Variants in CAMSAP1 observed in about 807,000 individuals in gnomAD.
CAMSAP1 encodes the protein calmodulin regulated spectrin associated protein 1.
CAMSAP1 carries 58 observed loss-of-function variants against 143.5 expected under a neutral mutation model. The ratio of observed to expected loss-of-function variants is 0.40; its 90% confidence interval spans 0.33 to 0.50. CAMSAP1 has a LOEUF of 0.50. Among genes scored for constraint, CAMSAP1 ranks in the 20% least tolerant of loss-of-function variants. CAMSAP1 has a pLI of 0.45. For missense variants in CAMSAP1, 1,969 were observed against 2,115.7 expected (o/e 0.93, Z 1.36); for synonymous variants, 945 against 859.3 (o/e 1.10, Z -1.74).
At chr9:135,868,321 A>C (rs1035125066) in intron 3 of CAMSAP1, among the ~76,000 whole-genome samples, 3 of 152,198 alleles carry the variant, frequency 2.0e-5, no homozygotes, top group African/African-American at 7.2e-5. Flanking sequence ...TGTGGTCCAA[A>C]TGACATCAGT....
At chr9:135,872,064 C>T (rs1471792911) in intron 3 of CAMSAP1, among the ~76,000 whole-genome samples, 1 of 151,822 alleles carries the variant, frequency 6.6e-6, no homozygotes, top group Admixed American at 6.6e-5. Flanking sequence ...CACGCCATTG[C>T]ACTCCAACCT....
rs1835687504 is a variant in CAMSAP1, at chr9:135,826,727, C to CT, written c.1223+679dup. 6.6e-6 allele frequency among the ~76,000 whole-genome samples: 1 copy of CT among 152,344 alleles called. No homozygotes were observed. The highest frequency in any genetic ancestry group is 1.9e-4 in the East Asian group (1 of 5,190). The stretch of plus-strand genomic sequence containing the variant: ...TGTTTCTCCACTTTCGGTGTGCTAA[C>CT]TGGCTCCAGGCTGGCATCAGCTGTG... On this transcript the variant is annotated intron_variant, in intron 8 of 16. Coordinates refer to ENST00000389532, the MANE Select transcript of CAMSAP1 (RefSeq NM_015447.4). This position sits in a 1 kb window ranked among gnomAD's most constrained non-coding sequence, Gnocchi z 4.4.
chr9:135,907,431 G>C lies in CAMSAP1; in HGVS notation c.-272C>G, dbSNP rs1220971343. On this transcript the variant is annotated 5_prime_UTR_variant, in exon 1 of 17. Transcript: ENST00000389532. ...CAGGAGGGCGCGGGCCGGGGGCGGGGGCGGGCGCGGGGGCGGGAGCGGGCC... is the reference window on the plus strand; with the variant it reads ...CAGGAGGGCGCGGGCCGGGGGCGGGCGCGGGCGCGGGGGCGGGAGCGGGCC... 6.8e-6 allele frequency among the ~76,000 whole-genome samples: 1 copy of C among 146,132 alleles called. No homozygotes were observed. Among genetic ancestry groups the C allele is most frequent in the Admixed American group, 6.8e-5 (1 of 14,714 alleles).
intron 4 of CAMSAP1, among the ~76,000 whole-genome samples, chr9:135,862,881 T>G (rs1588483703): frequency 1.3e-5 from 2 of 152,050 alleles, no homozygotes; most frequent in South Asian, 4.1e-4. Context: ...TAAACTGACC[T>G]GGAAGCAGAG....
At chr9:135,894,481 C>T (rs538901063) in intron 1 of CAMSAP1, among the ~76,000 whole-genome samples, 1 of 152,300 alleles carries the variant, frequency 6.6e-6, no homozygotes, top group South Asian at 2.1e-4. Flanking sequence ...TGGTCCTGTG[C>T]GCAGAGACTC....
rs780895948 is a variant in CAMSAP1, at chr9:135,818,647, G to A, written c.3960-31C>T. On this transcript the variant is annotated intron_variant, in intron 12 of 16. Coordinates refer to ENST00000389532, the MANE Select transcript of CAMSAP1 (RefSeq NM_015447.4). The surrounding 1 kb of genome is among the most constrained non-coding windows in gnomAD (Gnocchi z 7.7). ...AGAAACACACGCCCAGACACTGCTC[G>A]GTCACGGGGCTTCTTCCACGACGCC... 16 of 1,602,758 alleles carry A rather than the reference G, an allele frequency of 1.0e-5. No homozygotes were observed. The highest frequency in any genetic ancestry group is 1.4e-5 in the Non-Finnish European group (16 of 1,173,246).
chr9:135,822,260 G>C lies in CAMSAP1; in HGVS notation c.2401C>G (p.Gln801Glu), dbSNP rs749774202. The change falls in exon 11 of 17, where the codon CAG becomes GAG. Residue 801 changes from glutamine to glutamate, a missense_variant. Transcript: ENST00000389532. This position sits in a 1 kb window ranked among gnomAD's most constrained non-coding sequence, Gnocchi z 6.1. The part of the protein sequence containing the change: ...RSSPCLSTAS[Q>E]MSSVSMASGS... ...CTCGCCATGGAGACACTGCTCATCT[G>C]AGAGGCTGTGCTCAGGCAGGGGCTC... is the stretch of plus-strand genomic sequence containing the variant. 3 of 1,613,998 alleles carry C rather than the reference G, an allele frequency of 1.9e-6. No individual in the cohort carries two copies. Among genetic ancestry groups the C allele is most frequent in the Admixed American group, 3.3e-5 (2 of 60,030 alleles).
chr9:135,869,650 G>A (rs1837503822), intron 3 of CAMSAP1, among the ~76,000 whole-genome samples: 1 of 152,120 alleles, frequency 6.6e-6, no homozygotes, highest in South Asian at 2.1e-4. Context: ...GCTAAACACA[G>A]AATGAATACA....
intron 3 of CAMSAP1, among the ~76,000 whole-genome samples, chr9:135,867,255 CA>C (rs148477036): frequency 0.024 from 3,586 of 151,306 alleles, 115 homozygotes; most frequent in African/African-American, 0.065. Context: ...AAAATAAAGA[CA>C]AAAAAAATAT....
At chr9:135,836,173 C>T (rs1196285622) in intron 7 of CAMSAP1, 2 of 985,318 alleles carry the variant, frequency 2.0e-6, no homozygotes, top group Non-Finnish European at 2.4e-6. Context: ...TACAGACGCA[C>T]ATCACCACAT....
chr9:135,902,879 C>A (rs950007454), intron 1 of CAMSAP1, among the ~76,000 whole-genome samples: 23 of 152,174 alleles, frequency 1.5e-4, no homozygotes, highest in Non-Finnish European at 3.1e-4. Flanking sequence ...AACTGGCGAA[C>A]CCTAAGCTCC....
chr9:135,879,391 A>G (rs1385853406), intron 3 of CAMSAP1, among the ~76,000 whole-genome samples: 1 of 152,096 alleles, frequency 6.6e-6, no homozygotes, highest in Non-Finnish European at 1.5e-5. Context: ...GGAAAAAGAA[A>G]CATACCCTCT....
intron 4 of CAMSAP1, among the ~76,000 whole-genome samples, chr9:135,864,550 C>T (rs72771935): frequency 6.6e-6 from 1 of 152,114 alleles, no homozygotes; most frequent in Non-Finnish European, 1.5e-5. Context: ...TGCAAGATCT[C>T]CATCCAAAAG....
intron 7 of CAMSAP1, among the ~76,000 whole-genome samples, chr9:135,837,954 T>C (rs1836152442): frequency 7.2e-6 from 1 of 138,936 alleles, no homozygotes; most frequent in African/African-American, 2.8e-5. Context: ...ATCACACGCT[T>C]TCTACCCCTT....
chr9:135,903,210 C>G (rs186728429), intron 1 of CAMSAP1, among the ~76,000 whole-genome samples: 1 of 152,342 alleles, frequency 6.6e-6, no homozygotes, highest in Non-Finnish European at 1.5e-5. Flanking sequence ...ACCGCCTCAA[C>G]TTTCCACCAA....
In CAMSAP1 at chr9:135,847,183, T is replaced by TAA. The variant is rs35715308; in HGVS notation, c.1045+2952_1045+2953dup. ...TAACACGGTGAAACCCCGTCTCTAC[T>TAA]AAAAAAAAAAAATACAAAAAAATTA... On this transcript the variant is annotated intron_variant, in intron 7 of 16. Transcript: ENST00000389532. 6.9e-3 allele frequency among the ~76,000 whole-genome samples: 985 copies of TAA among 143,648 alleles called. 3 individuals are homozygous for TAA. Among genetic ancestry groups the TAA allele is most frequent in the Middle Eastern group, 0.021 (6 of 282 alleles). The allele number at this position is 143,648 out of a possible 152,430, so 94.2% of individuals were successfully genotyped here.
chr9:135,866,304 A>G (rs568209999), intron 4 of CAMSAP1, 152 bp downstream of exon 4: 2 of 585,604 alleles, frequency 3.4e-6, no homozygotes. Flanking sequence ...TGAGGTGTGG[A>G]GAATCAGCCC....
intron 16 of CAMSAP1, among the ~76,000 whole-genome samples, chr9:135,812,396 G>C (rs1463387655): frequency 2.6e-5 from 4 of 152,174 alleles, no homozygotes; most frequent in Admixed American, 6.5e-5. Context: ...CACGCTAAGT[G>C]AAAGAAGCCT....
At chr9:135,862,912 A>G (rs982553476) in intron 4 of CAMSAP1, among the ~76,000 whole-genome samples, 3 of 152,196 alleles carry the variant, frequency 2.0e-5, no homozygotes, top group Admixed American at 6.5e-5. Flanking sequence ...GTGCAGGCAC[A>G]CACGGGAAAG....
Sources: allele counts gnomAD v4.1 joint callset (sites outside exome capture counted in the v4.1 genomes callset), GRCh38; gene constraint gnomAD v4.1.1; non-coding constraint Gnocchi (gnomAD v3.1); transcripts MANE v1.5; gene names NCBI Gene and HGNC (gene_info 2026-07-23, HGNC 2026-07-21).